The following ASTN1 variants were observed in gnomAD, a reference collection of about 807,000 sequenced individuals.
The protein encoded by ASTN1 is astrotactin 1.
Under a neutral mutation model 140.7 loss-of-function variants are expected in ASTN1, and 41 were observed. That is an observed-to-expected ratio of 0.29 (90% CI 0.23 to 0.38). The LOEUF (loss-of-function observed/expected upper bound fraction) is 0.38. ASTN1 is among the 10% of genes least tolerant of loss of function. The pLI is 1.00. For missense variants in ASTN1, 1,479 were observed against 1,678.8 expected (o/e 0.88, Z 2.08); for synonymous variants, 640 against 652.2 (o/e 0.98, Z 0.29).
intron 20 of ASTN1, among the ~76,000 whole-genome samples, chr1:176,879,523 T>G (rs1668702381): frequency 6.6e-6 from 1 of 152,126 alleles, no homozygotes; most frequent in Non-Finnish European, 1.5e-5. Flanking sequence ...AACATCCTAC[T>G]TCGTTGTCAG....
rs773375361 is a variant in ASTN1, at chr1:176,949,212, G to C, written c.2027C>G (p.Thr676Ser). ...ACAGAACATGAGGATGTTATACAAG[G>C]TGGGGTCGTCCGGGAAGGGCGCCAT... Reference protein sequence around the residue: ...QQMAPFPDDPTLYNILMFCGC... With the variant: ...QQMAPFPDDPSLYNILMFCGC... The change falls in exon 12 of 23, where the codon ACC becomes AGC. Residue 676 changes from threonine (T) to serine (S), a missense_variant. Physicochemically the swap from Thr to Ser is moderately conservative, Grantham distance 58 (BLOSUM62 1). Coordinates refer to ENST00000361833, the MANE Select transcript of ASTN1 (RefSeq NM_004319.3). The C allele has an allele frequency of 1.9e-6, 3 of 1,613,906 alleles. No individual in the cohort carries two copies. Among genetic ancestry groups the C allele is most frequent in the Non-Finnish European group, 2.5e-6 (3 of 1,180,040 alleles).
At chr1:177,026,943 G>T (rs552538925) in intron 5 of ASTN1, among the ~76,000 whole-genome samples, 66 of 152,250 alleles carry the variant, frequency 4.3e-4, no homozygotes, top group African/African-American at 1.5e-3. Flanking sequence ...TTGCTCTTTT[G>T]TCAGGTCCAA....
At chr1:177,147,581 T>C (rs1199465341) in intron 1 of ASTN1, among the ~76,000 whole-genome samples, 1 of 152,104 alleles carries the variant, frequency 6.6e-6, no homozygotes, top group African/African-American at 2.4e-5. Context: ...TAAGGCAGAA[T>C]GAAAAGAATT....
chr1:176,979,221 G>A (rs1673499530), intron 8 of ASTN1, among the ~76,000 whole-genome samples: 1 of 152,122 alleles, frequency 6.6e-6, no homozygotes, highest in Non-Finnish European at 1.5e-5. Flanking sequence ...GCATGCTCTA[G>A]CCCTTGCCTA....
intron 1 of ASTN1, among the ~76,000 whole-genome samples, chr1:177,163,504 C>T (rs1647511365): frequency 6.6e-6 from 1 of 152,044 alleles, no homozygotes; most frequent in African/African-American, 2.4e-5. Context: ...TGTATGGGTT[C>T]CAGTACCTGA....
Position 177,003,003 on chromosome 1 carries a change from C to T in ASTN1, c.1523+11788G>A, listed in dbSNP as rs78483333. On this transcript the variant is annotated intron_variant, in intron 8 of 22. Coordinates refer to ENST00000361833, the MANE Select transcript of ASTN1 (RefSeq NM_004319.3). ...AAAAAGGCCAAAACGAACAAACAAA[C>T]AAAAAAAGCCCAGGGGCAGATGCAC... Among the ~76,000 whole-genome samples, 1,177 of 151,020 alleles carry T rather than the reference C, an allele frequency of 7.8e-3. 14 individuals are homozygous for T. The highest frequency in any genetic ancestry group is 0.026 in the African/African-American group (1,059 of 41,212).
intron 5 of ASTN1, among the ~76,000 whole-genome samples, chr1:177,025,042 G>A (rs900010747): frequency 3.3e-5 from 5 of 152,278 alleles, no homozygotes; most frequent in African/African-American, 9.6e-5. Flanking sequence ...TTCCCTAGTC[G>A]CCTTACTAAG....
chr1:177,072,433 G>A (rs1489509862), intron 1 of ASTN1, among the ~76,000 whole-genome samples: 3 of 152,126 alleles, frequency 2.0e-5, no homozygotes, highest in African/African-American at 7.2e-5. Context: ...AGGCTAATTT[G>A]TGTAAGGTAC....
intron 18 of ASTN1, among the ~76,000 whole-genome samples, chr1:176,885,792 C>T (rs1006751495): frequency 6.6e-6 from 1 of 151,916 alleles, no homozygotes; most frequent in African/African-American, 2.4e-5. Context: ...GCTTAGTGAG[C>T]AATAGAAGCA....
At chr1:177,092,693 G>T (rs949643947) in intron 1 of ASTN1, among the ~76,000 whole-genome samples, 1 of 152,096 alleles carries the variant, frequency 6.6e-6, no homozygotes, top group Admixed American at 6.6e-5. Context: ...ATGGGGTAAA[G>T]GTCCAACTTC....
intron 8 of ASTN1, among the ~76,000 whole-genome samples, chr1:176,975,116 T>A (rs1368602454): frequency 6.6e-6 from 1 of 152,198 alleles, no homozygotes; most frequent in Non-Finnish European, 1.5e-5. Context: ...TATTTTGGGA[T>A]CAAGAATTGT....
rs754997241 is a variant in ASTN1, at chr1:177,038,535, AAAAAGGAAG to A, written c.472-5695_472-5687del. Among the ~76,000 whole-genome samples the A allele has an allele frequency of 4.6e-5, 7 of 152,328 alleles. 1 individual carries two copies. Among genetic ancestry groups the A allele is most frequent in the African/African-American group, 1.7e-4 (7 of 41,582 alleles). On this transcript the variant is annotated intron_variant, in intron 2 of 22. Transcript: ENST00000361833. ...CAAAGAGGGAGGAAGAGAAGGAAGA[AAAAAGGAAG>A]AAAAGGAAGAAGCATCATCAACTTT...
intron 1 of ASTN1, among the ~76,000 whole-genome samples, chr1:177,113,154 G>A (rs1405098449): frequency 6.6e-6 from 1 of 152,124 alleles, no homozygotes; most frequent in African/African-American, 2.4e-5. Flanking sequence ...CTCACATGGA[G>A]TTCAGGCTCA....
At chr1:177,021,288 G>C (rs1200828083) in intron 7 of ASTN1, among the ~76,000 whole-genome samples, 1 of 152,186 alleles carries the variant, frequency 6.6e-6, no homozygotes, top group Non-Finnish European at 1.5e-5. Context: ...CATGGTCACA[G>C]ACATTGAGAA....
At chr1:177,071,048 C>CATAAGTCCAGGAACT (rs1678611777) in intron 1 of ASTN1, among the ~76,000 whole-genome samples, 1 of 152,172 alleles carries the variant, frequency 6.6e-6, no homozygotes. Context: ...TAAACGTCTT[C>CATAAGTCCAGGAACT]ATAAGTCCAG....
At chr1:177,149,611 T>C (rs1682931251) in intron 1 of ASTN1, among the ~76,000 whole-genome samples, 1 of 90,426 alleles carries the variant, frequency 1.1e-5, no homozygotes, top group African/African-American at 6.1e-5. Flanking sequence ...ATATATATAG[T>C]AAATATATAT....
At chr1:177,151,528 G>A (rs543594146) in intron 1 of ASTN1, among the ~76,000 whole-genome samples, 1 of 152,212 alleles carries the variant, frequency 6.6e-6, no homozygotes, top group East Asian at 1.9e-4. Context: ...CTGCAGAAGA[G>A]GACAAGGGCC....
At chr1:176,912,141 CT>C (rs922815586) in intron 16 of ASTN1, among the ~76,000 whole-genome samples, 2 of 152,188 alleles carry the variant, frequency 1.3e-5, no homozygotes, top group South Asian at 2.1e-4. Context: ...GAGAAGGAAG[CT>C]TTTGGGATAG....
At chr1:176,887,855 C>G (rs1381014484) in intron 18 of ASTN1, among the ~76,000 whole-genome samples, 1 of 152,196 alleles carries the variant, frequency 6.6e-6, no homozygotes, top group Non-Finnish European at 1.5e-5. Context: ...ATTCCCTCTT[C>G]ACACTTTCTT....
Sources: gnomAD v4.1 joint callset for allele counts (sites outside exome capture counted in the v4.1 genomes callset) on GRCh38, gnomAD v4.1.1 for gene constraint, MANE v1.5 for transcripts, NCBI Gene and HGNC (gene_info 2026-07-23, HGNC 2026-07-21) for gene names.